The following GSKIP variants were observed in gnomAD, a reference collection of about 807,000 sequenced individuals.
The protein encoded by GSKIP is GSK3B-interacting protein.
In GSKIP, 5 loss-of-function variants were observed where a neutral mutation model predicts 11.9. That is an observed-to-expected ratio of 0.42 (90% CI 0.22 to 0.89). The LOEUF is 0.89. Ranked by LOEUF, GSKIP falls within the 40% of genes least tolerant of loss-of-function variation. The pLI, the probability that GSKIP is intolerant of heterozygous loss-of-function variation, is 0.29. For synonymous variants in GSKIP, 70 were observed against 62.9 expected (o/e 1.11, Z -0.54); for missense variants, 150 against 166.6 (o/e 0.90, Z 0.55).
intron 3 of GSKIP, among the ~76,000 whole-genome samples, chr14:96,383,583 G>A (rs1371229554): frequency 2.0e-5 from 3 of 152,162 alleles, no homozygotes; most frequent in Non-Finnish European, 2.9e-5. Flanking sequence ...AGCAAGGCCT[G>A]CCTAAGCAAG....
chr14:96,371,710 G>C lies in GSKIP; in HGVS notation c.-102-7978G>C, dbSNP rs1889053489. Among the ~76,000 whole-genome samples, 3 of 152,166 alleles carry C rather than the reference G, an allele frequency of 2.0e-5. No individual in the cohort carries two copies. The South Asian group carries it at 6.2e-4, about 32-fold the overall frequency. Reference sequence around the variant, plus strand: ...GATCCACCTGCCTCAGCCTCCCAAAGTGTTGGGATTACAGGTGTGGGCCAC... The same window carrying C: ...GATCCACCTGCCTCAGCCTCCCAAACTGTTGGGATTACAGGTGTGGGCCAC... On this transcript the variant is annotated intron_variant, in intron 1 of 3. Coordinates refer to ENST00000555181, the MANE Select transcript of GSKIP (RefSeq NM_016472.5).
chr14:96,377,912 G>T (rs8006919), intron 1 of GSKIP, among the ~76,000 whole-genome samples: 98 of 152,330 alleles, frequency 6.4e-4, no homozygotes, highest in African/African-American at 2.4e-3. Context: ...TTGCTATGAT[G>T]ATGCTGGAAT....
intron 2 of GSKIP, among the ~76,000 whole-genome samples, chr14:96,380,635 G>A (rs981832297): frequency 6.6e-6 from 1 of 152,190 alleles, no homozygotes. Context: ...CTTGGAAATA[G>A]CAATGGACTG....
intron 1 of GSKIP, among the ~76,000 whole-genome samples, chr14:96,374,588 A>G (rs2139935108): frequency 6.6e-6 from 1 of 152,306 alleles, no homozygotes; most frequent in South Asian, 2.1e-4. Context: ...CAGGCTGGTC[A>G]TGAACTGAGC....
At chr14:96,371,660 T>G (rs1245161220) in intron 1 of GSKIP, among the ~76,000 whole-genome samples, 2 of 152,154 alleles carry the variant, frequency 1.3e-5, no homozygotes, top group South Asian at 4.1e-4. Flanking sequence ...TTGGCCAGAC[T>G]GGTCACAAAC....
chr14:96,378,186 GTC>G (rs1320525836), intron 1 of GSKIP, among the ~76,000 whole-genome samples: 1 of 152,102 alleles, frequency 6.6e-6, no homozygotes, highest in Non-Finnish European at 1.5e-5. Flanking sequence ...GGAAGACCCT[GTC>G]TCTCCAAAAA....
At chr14:96,368,206 A>C (rs1595345040) in intron 1 of GSKIP, among the ~76,000 whole-genome samples, 1 of 145,166 alleles carries the variant, frequency 6.9e-6, no homozygotes, top group African/African-American at 2.6e-5. Flanking sequence ...TTTTTGAGAC[A>C]GAGTCTCACT....
At chr14:96,364,646 C>G (rs74419204) in intron 1 of GSKIP, 1 of 152,176 alleles carries the variant, frequency 6.6e-6, no homozygotes, top group Non-Finnish European at 1.5e-5. Context: ...GTTGATTTCC[C>G]TCATTCTTTG....
intron 1 of GSKIP, among the ~76,000 whole-genome samples, chr14:96,373,424 C>T (rs1417446178): frequency 1.3e-5 from 2 of 151,952 alleles, no homozygotes; most frequent in Non-Finnish European, 2.9e-5. Flanking sequence ...TCTAAATGTT[C>T]TGTGTTCTGC....
At chr14:96,377,434 G>A (rs1329742508) in intron 1 of GSKIP, among the ~76,000 whole-genome samples, 1 of 152,188 alleles carries the variant, frequency 6.6e-6, no homozygotes, top group Non-Finnish European at 1.5e-5. Context: ...GCTGAAATGG[G>A]CGTGTATTTT....
chr14:96,365,232 AAG>A (rs1390612194), intron 1 of GSKIP: 1 of 151,880 alleles, frequency 6.6e-6, no homozygotes, highest in Non-Finnish European at 1.5e-5. Flanking sequence ...GGAGATGGGG[AAG>A]AGAGAAGGGA....
intron 1 of GSKIP, among the ~76,000 whole-genome samples, chr14:96,378,703 C>T (rs1169932857): frequency 6.6e-6 from 1 of 152,232 alleles, no homozygotes; most frequent in Non-Finnish European, 1.5e-5. Context: ...ATCATGATCA[C>T]CCGAGCTCCA....
At chr14:96,380,409 T>C (rs1317028972) in intron 2 of GSKIP, 3 of 152,228 alleles carry the variant, frequency 2.0e-5, no homozygotes, top group African/African-American at 7.2e-5. Context: ...CTTAAGATTT[T>C]TGCTGATAAT....
At chr14:96,364,826 C>G (rs1888825204) in intron 1 of GSKIP, 2 of 152,214 alleles carry the variant, frequency 1.3e-5, no homozygotes, top group Non-Finnish European at 2.9e-5. Context: ...ATGGTGGTAC[C>G]TGCTTGTGGA....
intron 1 of GSKIP, among the ~76,000 whole-genome samples, chr14:96,373,261 G>A (rs906399828): frequency 2.7e-5 from 4 of 149,788 alleles, no homozygotes; most frequent in Non-Finnish European, 3.0e-5. Context: ...AAGAAAGGAG[G>A]ATACTCAGTT....
intron 1 of GSKIP, chr14:96,364,050 A>C (rs1888787373): frequency 6.6e-6 from 1 of 152,328 alleles, no homozygotes; most frequent in African/African-American, 2.4e-5. Context: ...TTTTCGAAGC[A>C]TCTGTGGGCA....
chr14:96,386,534 G>A lies in GSKIP; in HGVS notation c.*850G>A, dbSNP rs557677803. ...TATTCTGAATGTGTGTTTACATAAT[G>A]TACAGTATATATTCAGAAAGTATTT... On this transcript the variant is annotated 3_prime_UTR_variant, in exon 4 of 4. Transcript: ENST00000555181. 1 of 152,612 alleles carries A rather than the reference G, an allele frequency of 6.6e-6. No individual in the cohort carries two copies. Among genetic ancestry groups the A allele is most frequent in the East Asian group, 1.9e-4 (1 of 5,190 alleles). The allele number at this position is 152,612 out of a possible 1,614,324, so 9.5% of individuals were successfully genotyped here.
At chr14:96,380,009 C>T (rs1189074555) in intron 2 of GSKIP, 1 of 152,062 alleles carries the variant, frequency 6.6e-6, no homozygotes, top group Non-Finnish European at 1.5e-5. Context: ...AGAAAGGGCT[C>T]ATTTTGTATG....
intron 1 of GSKIP, chr14:96,364,487 G>A (rs1450216788): frequency 6.6e-6 from 1 of 152,216 alleles, no homozygotes; most frequent in Non-Finnish European, 1.5e-5. Context: ...CCAGTTTAAG[G>A]AGTGAAATGT....
Sources: allele counts gnomAD v4.1 joint callset (sites outside exome capture counted in the v4.1 genomes callset), GRCh38; gene constraint gnomAD v4.1.1; transcripts MANE v1.5; gene names NCBI Gene and HGNC (gene_info 2026-07-23, HGNC 2026-07-21).